The following CSMD1 variants were observed in gnomAD, a reference collection of about 807,000 sequenced individuals.
The protein encoded by CSMD1 is CUB and Sushi multiple domains 1, also known as CUB and sushi domain-containing protein 1.
Under a neutral mutation model 417.5 loss-of-function variants are expected in CSMD1, and 213 were observed. That is an observed-to-expected ratio of 0.51 (90% CI 0.46 to 0.57). CSMD1 has a LOEUF of 0.57. Among genes scored for constraint, CSMD1 ranks in the 20% least tolerant of loss-of-function variants. The pLI, the probability that CSMD1 is intolerant of heterozygous loss-of-function variation, is 0.00. For synonymous variants in CSMD1, 2,862 were observed against 1,736.8 expected (o/e 1.65, Z -16.11); for missense variants, 6,923 against 4,529.7 (o/e 1.53, Z -15.17).
chr8:4,908,902 C>T (rs1678682426), intron 1 of CSMD1, among the ~76,000 whole-genome samples: 1 of 152,284 alleles, frequency 6.6e-6, no homozygotes, highest in South Asian at 2.1e-4. Context: ...GCAATGTCAA[C>T]ATATCTCTCA....
chr8:3,610,174 G>C (rs1023940480), intron 8 of CSMD1, among the ~76,000 whole-genome samples: 1 of 152,050 alleles, frequency 6.6e-6, no homozygotes, highest in Non-Finnish European at 1.5e-5. Flanking sequence ...CTTGGCTGTA[G>C]TCCAGCAGCT....
intron 7 of CSMD1, among the ~76,000 whole-genome samples, chr8:3,671,122 A>C (rs1348116758): frequency 6.8e-6 from 1 of 147,296 alleles, no homozygotes; most frequent in Non-Finnish European, 1.5e-5. Context: ...TGTATATGGG[A>C]TATATATGTA....
At chr8:4,799,817 T>A (rs967603801) in intron 1 of CSMD1, among the ~76,000 whole-genome samples, 1 of 151,918 alleles carries the variant, frequency 6.6e-6, no homozygotes, top group Non-Finnish European at 1.5e-5. Flanking sequence ...TGCAAAGAGA[T>A]AAGTATTAGA....
chr8:4,239,669 T>A (rs954350302), intron 3 of CSMD1, among the ~76,000 whole-genome samples: 2 of 152,138 alleles, frequency 1.3e-5, no homozygotes, highest in African/African-American at 4.8e-5. Context: ...GAGCATTGCA[T>A]TATGTTGGGT....
chr8:4,507,698 G>C (rs1269323154), intron 2 of CSMD1, among the ~76,000 whole-genome samples: 3 of 152,146 alleles, frequency 2.0e-5, no homozygotes. Context: ...ATACTCACCA[G>C]GCTGAAGAGA....
intron 7 of CSMD1, among the ~76,000 whole-genome samples, chr8:3,655,332 G>T (rs1310383350): frequency 6.6e-6 from 1 of 152,082 alleles, no homozygotes; most frequent in Non-Finnish European, 1.5e-5. Context: ...TTCCCACATT[G>T]TTTACTGTCA....
chr8:4,653,526 C>G (rs1487284011), intron 1 of CSMD1, among the ~76,000 whole-genome samples: 2 of 152,012 alleles, frequency 1.3e-5, no homozygotes, highest in Admixed American at 1.3e-4. Context: ...TAGATTTTAG[C>G]AACCCATGCT....
intron 1 of CSMD1, among the ~76,000 whole-genome samples, chr8:4,710,800 G>T (rs908113055): frequency 2.6e-5 from 4 of 151,570 alleles, no homozygotes; most frequent in African/African-American, 7.3e-5. Flanking sequence ...AGCCAAGATC[G>T]CACCACTGCG....
chr8:3,478,692 G>C (rs933222240), intron 11 of CSMD1, among the ~76,000 whole-genome samples: 6 of 152,224 alleles, frequency 3.9e-5, no homozygotes, highest in Admixed American at 3.9e-4. Flanking sequence ...TGACCCGTCT[G>C]ACTACCAGAC....
chr8:4,003,520 G>C (rs1020756346), intron 4 of CSMD1, among the ~76,000 whole-genome samples: 3 of 152,086 alleles, frequency 2.0e-5, no homozygotes, highest in South Asian at 2.1e-4. Flanking sequence ...GTGAATTCTA[G>C]AACAAACCAA....
chr8:4,407,709 T>TA (rs1796398989), intron 3 of CSMD1, among the ~76,000 whole-genome samples: 2 of 152,228 alleles, frequency 1.3e-5, no homozygotes, highest in African/African-American at 4.8e-5. Flanking sequence ...TATTCATAAA[T>TA]AGCTGTAGTT....
chr8:4,021,065 C>G (rs1281617656), intron 4 of CSMD1, among the ~76,000 whole-genome samples: 7 of 152,186 alleles, frequency 4.6e-5, no homozygotes, highest in Non-Finnish European at 1.5e-5. Flanking sequence ...CATCAGAGCT[C>G]TACAAGCATT....
intron 10 of CSMD1, among the ~76,000 whole-genome samples, chr8:3,495,802 G>A (rs1796339638): frequency 6.6e-6 from 1 of 152,132 alleles, no homozygotes; most frequent in South Asian, 2.1e-4. Context: ...GAGCCAAAAT[G>A]GTTTTAGTTC....
At chr8:3,966,609 T>C (rs1019624522) in intron 5 of CSMD1, among the ~76,000 whole-genome samples, 5 of 152,072 alleles carry the variant, frequency 3.3e-5, no homozygotes, top group Non-Finnish European at 5.9e-5. Flanking sequence ...GCACTACTCA[T>C]ATTCATTATT....
chr8:4,634,277 A>G (rs749173595), intron 2 of CSMD1, among the ~76,000 whole-genome samples: 1 of 152,198 alleles, frequency 6.6e-6, no homozygotes, highest in East Asian at 1.9e-4. Flanking sequence ...AAATAATACT[A>G]TATTTCTGAC....
In CSMD1 at chr8:4,658,796, A is replaced by C. The variant is rs79464941; in HGVS notation, c.86-21238T>G. Among the ~76,000 whole-genome samples, 7 of 152,242 alleles carry C rather than the reference A, an allele frequency of 4.6e-5. No homozygotes were observed. The East Asian group carries it at 1.3e-3, about 29-fold the overall frequency. On this transcript the variant is annotated intron_variant, in intron 1 of 69. Transcript: ENST00000635120. ...CAAATACATAAAACAATCACCACACATCTGGGTTAATGGTAACACAATTTA... is the reference window on the plus strand; with the variant it reads ...CAAATACATAAAACAATCACCACACCTCTGGGTTAATGGTAACACAATTTA...
At chr8:4,587,561 T>C (rs1799770548) in intron 2 of CSMD1, among the ~76,000 whole-genome samples, 1 of 152,120 alleles carries the variant, frequency 6.6e-6, no homozygotes, top group Non-Finnish European at 1.5e-5. Flanking sequence ...TTTATTTTGA[T>C]ACAGAACCTT....
chr8:3,029,422 T>A lies in CSMD1; in HGVS notation c.7752A>T (p.Val2584=). Residue 2584 remains valine (V), a synonymous_variant, in exon 51 of 70, where the codon GTA becomes GTT. Coordinates refer to ENST00000635120, the MANE Select transcript of CSMD1 (RefSeq NM_033225.6). The part of the protein sequence containing the change: ...SGSLNEYGAQ[V]LLSCSPGYYL... The stretch of plus-strand genomic sequence containing the variant: ...AGTAACCAGGACTGCAGCTCAGCAA[T>A]ACTTGAGCACCGTACTCATTCAAGG... The A allele has an allele frequency of 6.2e-7, 1 of 1,611,754 alleles. No homozygotes were observed. The highest frequency in any genetic ancestry group is 1.3e-5 in the African/African-American group (1 of 74,622).
At chr8:3,891,379 A>T (rs1806960674) in intron 5 of CSMD1, among the ~76,000 whole-genome samples, 1 of 152,080 alleles carries the variant, frequency 6.6e-6, no homozygotes, top group African/African-American at 2.4e-5. Context: ...AGGTCAATTC[A>T]ATTCCAAAAT....
Sources: gnomAD v4.1 joint callset for allele counts (sites outside exome capture counted in the v4.1 genomes callset) on GRCh38, gnomAD v4.1.1 for gene constraint, MANE v1.5 for transcripts, NCBI Gene and HGNC (gene_info 2026-07-23, HGNC 2026-07-21) for gene names.